FTO: variants seen among roughly 807,000 people sequenced by gnomAD.
The protein encoded by FTO is FTO alpha-ketoglutarate dependent dioxygenase.
FTO carries 47 observed loss-of-function variants against 63.9 expected under a neutral mutation model. The ratio of observed to expected loss-of-function variants is 0.74; its 90% confidence interval spans 0.58 to 0.94. The LOEUF (loss-of-function observed/expected upper bound fraction) is 0.94, where lower values mean the gene tolerates loss of function less well. FTO is among the 40% of genes least tolerant of loss of function. The pLI, the probability that FTO is intolerant of heterozygous loss-of-function variation, is 0.00. For missense variants in FTO, 562 were observed against 618.1 expected, an observed-to-expected ratio of 0.91 and a Z score of 0.96; for synonymous variants, 207 against 224.4, an observed-to-expected ratio of 0.92 and a Z score of 0.69.
intron 8 of FTO, among the ~76,000 whole-genome samples, chr16:54,083,704 A>G (rs999716550): frequency 5.9e-5 from 9 of 152,242 alleles, no homozygotes; most frequent in African/African-American, 1.9e-4. Flanking sequence ...CTATTTGAGA[A>G]CAGACCAACA....
intron 1 of FTO, among the ~76,000 whole-genome samples, chr16:53,715,107 A>G (rs980699360): frequency 3.3e-5 from 5 of 152,188 alleles, no homozygotes; most frequent in Admixed American, 6.5e-5. Flanking sequence ...CTGACTGTCT[A>G]CTTACTATTG....
At chr16:54,108,846 G>A (rs1466574837) in intron 8 of FTO, among the ~76,000 whole-genome samples, 2 of 152,040 alleles carry the variant, frequency 1.3e-5, no homozygotes, top group African/African-American at 2.4e-5. Flanking sequence ...CAGCAATTCC[G>A]GCAATCAAGA....
intron 8 of FTO, among the ~76,000 whole-genome samples, chr16:54,073,355 AT>A (rs113189432): frequency 0.012 from 1,782 of 152,274 alleles, 32 homozygotes; most frequent in African/African-American, 0.039. Context: ...AGGCAAATTA[AT>A]TAAGTTTTAC....
At chr16:53,717,492 T>C (rs1396721416) in intron 1 of FTO, among the ~76,000 whole-genome samples, 2 of 152,122 alleles carry the variant, frequency 1.3e-5, no homozygotes, top group African/African-American at 4.8e-5. Context: ...TTCTTACTGA[T>C]TTGGAAAAAT....
rs1289865618 is a variant in FTO at position 54,003,733 on chromosome 16, T to C, written c.1364+69624T>C. Among the ~76,000 whole-genome samples the C allele has an allele frequency of 5.9e-5, 9 of 152,226 alleles. No individual in the cohort carries two copies. The East Asian group carries it at 1.5e-3, about 26-fold the overall frequency. On this transcript the variant is annotated intron_variant, in intron 8 of 8. Transcript: ENST00000471389. ...TAGTTTAGGTTTTAAAAAGAAGGGC[T>C]GTATGTCATCTAAACTCTTATTTAA...
At chr16:53,977,366 A>G (rs570754985) in intron 8 of FTO, among the ~76,000 whole-genome samples, 1 of 152,288 alleles carries the variant, frequency 6.6e-6, no homozygotes, top group East Asian at 1.9e-4. Flanking sequence ...TATATGCAGG[A>G]ACTTAATTTG....
At chr16:53,895,970 A>G (rs2081269485) in intron 7 of FTO, among the ~76,000 whole-genome samples, 1 of 152,134 alleles carries the variant, frequency 6.6e-6, no homozygotes, top group African/African-American at 2.4e-5. Context: ...CTAAATTTTG[A>G]CAACCTTCGT....
In FTO at chr16:54,117,937, T is replaced by A. The variant is rs1213409613; in HGVS notation, c.*6022T>A. Reference sequence around the variant, plus strand: ...CCAATGATGCAGTTCATGACTTTGCTCGCATTTACTTTTCATCAATCCTGA... The same window carrying A: ...CCAATGATGCAGTTCATGACTTTGCACGCATTTACTTTTCATCAATCCTGA... On this transcript the variant is annotated 3_prime_UTR_variant, in exon 9 of 9. Transcript: ENST00000471389. 1.3e-5 allele frequency: 2 copies of A among 152,238 alleles called. No individual in the cohort carries two copies. The highest frequency in any genetic ancestry group is 2.9e-5 in the Non-Finnish European group (2 of 68,044). 9.4% of individuals were successfully genotyped at this position (152,238 alleles called of 1,614,324 possible).
intron 1 of FTO, among the ~76,000 whole-genome samples, chr16:53,716,173 C>G (rs2075890871): frequency 1.3e-5 from 2 of 152,238 alleles, no homozygotes; most frequent in South Asian, 2.1e-4. Context: ...TGACTCGTAG[C>G]TGTTTGAAAG....
At chr16:54,074,875 T>C (rs1470594162) in intron 8 of FTO, among the ~76,000 whole-genome samples, 1 of 150,664 alleles carries the variant, frequency 6.6e-6, no homozygotes, top group East Asian at 2.0e-4. Flanking sequence ...TTCTGTAGCT[T>C]TAACCAGAAC....
At chr16:53,794,821 G>T (rs1051053215) in intron 1 of FTO, among the ~76,000 whole-genome samples, 13 of 152,128 alleles carry the variant, frequency 8.5e-5, no homozygotes, top group Non-Finnish European at 1.9e-4. Context: ...GGTGAGCACA[G>T]GTGGAGAGAA....
At chr16:54,029,847 GA>G (rs1487785376) in intron 8 of FTO, among the ~76,000 whole-genome samples, 1 of 152,174 alleles carries the variant, frequency 6.6e-6, no homozygotes, top group African/African-American at 2.4e-5. Flanking sequence ...GCAACAGTGA[GA>G]AAAGCACTTA....
At chr16:53,856,232 A>G (rs2079988366) in intron 4 of FTO, among the ~76,000 whole-genome samples, 2 of 152,114 alleles carry the variant, frequency 1.3e-5, no homozygotes, top group African/African-American at 4.8e-5. Context: ...CGAATTTAGG[A>G]CTAGGCCGGG....
In FTO at chr16:54,120,487, G is replaced by C. The variant is rs1243399942; in HGVS notation, c.*8572G>C. The C allele has an allele frequency of 6.6e-6, 1 of 152,206 alleles. No individual in the cohort carries two copies. Among genetic ancestry groups the C allele is most frequent in the African/African-American group, 2.4e-5 (1 of 41,452 alleles). 9.4% of individuals were successfully genotyped at this position (152,206 alleles called of 1,614,324 possible). A position where few individuals can be genotyped will look rare whatever the true frequency, so the allele number is the denominator to read the frequency against. On this transcript the variant is annotated 3_prime_UTR_variant, in exon 9 of 9. Coordinates refer to ENST00000471389, the MANE Select transcript of FTO (RefSeq NM_001080432.3). ...TAATACAGAGCCTGAGGATAGGAGA[G>C]CAGCGTGGTGAAAGAAGCAATAGTT... is the stretch of plus-strand genomic sequence containing the variant.
chr16:53,771,916 C>A (rs1013619849), intron 1 of FTO, among the ~76,000 whole-genome samples: 2 of 151,960 alleles, frequency 1.3e-5, no homozygotes, highest in African/African-American at 4.8e-5. Flanking sequence ...TCCATAGAGA[C>A]TGGAAATAGA....
In FTO at chr16:53,788,401, G is replaced by A. The variant is rs571351418; in HGVS notation, c.46-21739G>A. ...GCGGCTCACTTGAGGCCAGGAGTAC[G>A]AGACCAGCCTGGCCAACATGGTGAA... On this transcript the variant is annotated intron_variant, in intron 1 of 8. Coordinates refer to ENST00000471389, the MANE Select transcript of FTO (RefSeq NM_001080432.3). 1.4e-4 allele frequency among the ~76,000 whole-genome samples: 21 copies of A among 152,050 alleles called. No homozygotes were observed. In the East Asian group the frequency reaches 2.7e-3, roughly 20 times the overall value.
At chr16:53,745,699 A>C (rs1035743298) in intron 1 of FTO, among the ~76,000 whole-genome samples, 2 of 152,156 alleles carry the variant, frequency 1.3e-5, no homozygotes, top group Non-Finnish European at 2.9e-5. Context: ...CCATTTTCTC[A>C]TCATGTTCTC....
At chr16:53,946,762 C>A (rs12919344) in intron 8 of FTO, among the ~76,000 whole-genome samples, 79,536 of 151,984 alleles carry the variant, frequency 0.52, 22,458 homozygotes, top group Middle Eastern at 0.65. Context: ...GCCTGGCCAG[C>A]AAAACCTCCA....
At chr16:54,018,366 A>G (rs900164257) in intron 8 of FTO, among the ~76,000 whole-genome samples, 11 of 97,788 alleles carry the variant, frequency 1.1e-4, no homozygotes, top group African/African-American at 7.8e-4. Flanking sequence ...TGGCATGGTT[A>G]TAGCTTAGAT....
Sources: allele counts gnomAD v4.1 joint callset (sites outside exome capture counted in the v4.1 genomes callset), GRCh38; gene constraint gnomAD v4.1.1; transcripts MANE v1.5; gene names NCBI Gene and HGNC (gene_info 2026-07-23, HGNC 2026-07-21).